The following KIF17 variants were observed in gnomAD, a reference collection of about 807,000 sequenced individuals.
The protein encoded by KIF17 is kinesin family member 17.
KIF17 carries 80 observed loss-of-function variants against 96.8 expected under a neutral mutation model. The ratio of observed to expected loss-of-function variants is 0.83; its 90% CI spans 0.69 to 1.00. The LOEUF (loss-of-function observed/expected upper bound fraction) is 1.00. Ranked by LOEUF, KIF17 falls within the 50% of genes least tolerant of loss-of-function variation. The pLI is 0.00. For synonymous variants in KIF17, 567 were observed against 587.5 expected, an observed-to-expected ratio of 0.97 and a Z score of 0.51; for missense variants, 1,280 against 1,372.9, an observed-to-expected ratio of 0.93 and a Z score of 1.07.
intron 3 of KIF17, among the ~76,000 whole-genome samples, chr1:20,712,868 G>GATAAT (rs375017843): frequency 3.1e-5 from 1 of 32,244 alleles, no homozygotes; most frequent in East Asian, 6.0e-4. Flanking sequence ...CTATATTATA[G>GATAAT]ATATTATCTA....
chr1:20,664,237 G>T lies in KIF17; in HGVS notation c.*347C>A. 1 of 826,886 alleles carries T rather than the reference G, an allele frequency of 1.2e-6. No homozygotes were observed. The highest frequency in any genetic ancestry group is 1.7e-6 in the Non-Finnish European group (1 of 604,760). 51.2% of individuals were successfully genotyped at this position (826,886 alleles called of 1,614,324 possible). A position where few individuals can be genotyped will look rare whatever the true frequency, so the allele number is the denominator to read the frequency against. ...TGGCAGCTGCTGCCCTCTCCATCAGGGCTGGTGAAGGCCGTGAAGCAGGTC... is the reference window on the plus strand; with the variant it reads ...TGGCAGCTGCTGCCCTCTCCATCAGTGCTGGTGAAGGCCGTGAAGCAGGTC... On this transcript the variant is annotated 3_prime_UTR_variant, in exon 15 of 15. Coordinates refer to ENST00000400463, the MANE Select transcript of KIF17 (RefSeq NM_001122819.3).
intron 11 of KIF17, 24 bp downstream of exon 11, chr1:20,682,629 T>TG (rs779789884): frequency 1.2e-6 from 2 of 1,607,518 alleles, no homozygotes; most frequent in South Asian, 1.1e-5. Flanking sequence ...CAGCTGGGCA[T>TG]GGGGGGCTGC....
rs766885886 is a variant in KIF17, at chr1:20,687,675, C to T, written c.1651G>A (p.Glu551Lys). The T allele has an allele frequency of 6.2e-6, 10 of 1,614,096 alleles. No individual in the cohort carries two copies. The East Asian group carries it at 8.9e-5, about 14-fold the overall frequency. ...SSSLEETSVS[E>K]AFPGPEEPSN... ...GGCTCCTCAGGCCCAGGGAAAGCCT[C>T]GGACACAGAGGTTTCTTCGAGCGAG... The change falls in exon 8 of 15, where the codon GAG becomes AAG. Residue 551 changes from glutamate (E) to lysine (K), a missense_variant. By Grantham distance (56) the Glu-to-Lys change is moderately conservative (BLOSUM62 1). Transcript: ENST00000400463. This position sits in a 1 kb window ranked among gnomAD's most constrained non-coding sequence, Gnocchi z 4.4.
chr1:20,703,174 GATGA>G lies in KIF17; in HGVS notation c.1123+1269_1123+1272del, dbSNP rs896211591. On this transcript the variant is annotated intron_variant, in intron 5 of 14. Transcript: ENST00000400463. Reference sequence around the variant, plus strand: ...ATAGAAGGAAGGATGGAGATGGATGGATGAATGGATGGACGGATGGATGGGAGAT... The same window carrying G: ...ATAGAAGGAAGGATGGAGATGGATGGATGGATGGACGGATGGATGGGAGAT... Among the ~76,000 whole-genome samples the G allele has an allele frequency of 8.8e-5, 13 of 148,134 alleles. No individual in the cohort carries two copies. The East Asian group carries it at 9.8e-4, about 11-fold the overall frequency.
Position 20,686,146 on chromosome 1 carries a change from G to A in KIF17, c.1939-20C>T. The A allele has an allele frequency of 1.9e-6, 3 of 1,554,078 alleles. No homozygotes were observed. Among genetic ancestry groups the A allele is most frequent in the Non-Finnish European group, 2.6e-6 (3 of 1,146,884 alleles). On this transcript the variant is annotated intron_variant, in intron 8 of 14. Coordinates refer to ENST00000400463, the MANE Select transcript of KIF17 (RefSeq NM_001122819.3). The stretch of plus-strand genomic sequence containing the variant: ...AGGGACCTGGGAGGAAAGAGGGGAT[G>A]GAGGAGAAAGAAGGCTGATTTGGGC...
intron 3 of KIF17, among the ~76,000 whole-genome samples, chr1:20,712,131 C>A (rs760571707): frequency 6.6e-6 from 1 of 152,150 alleles, no homozygotes; most frequent in Non-Finnish European, 1.5e-5. Flanking sequence ...CCTCTAGGCC[C>A]GGGTAACTGA....
At chr1:20,666,069 T>TACCCCC (rs1251480374) in intron 14 of KIF17, 145 bp downstream of exon 14, 22 of 744,696 alleles carry the variant, frequency 3.0e-5, no homozygotes, top group Non-Finnish European at 5.1e-5. Context: ...AAGTTGGTGT[T>TACCCCC]ACCCCCCTCA....
intron 2 of KIF17, among the ~76,000 whole-genome samples, chr1:20,714,005 G>T (rs1022719119): frequency 2.0e-5 from 3 of 151,900 alleles, no homozygotes; most frequent in African/African-American, 7.3e-5. Context: ...TGACCAACAA[G>T]GTGAAACCCC....
rs375878778 is a variant in KIF17 at position 20,678,389 on chromosome 1, G to A, written c.2463+4264C>T. On this transcript the variant is annotated intron_variant, in intron 11 of 14. Transcript: ENST00000400463. ...CATAACAGTGTGTATACACACATAC[G>A]TACATATTTCCTTATACAAAAAAAA... Among the ~76,000 whole-genome samples, 206 of 152,100 alleles carry A rather than the reference G, an allele frequency of 1.4e-3. 6 individuals are homozygous for A. In the South Asian group the frequency reaches 0.02, roughly 15 times the overall value.
chr1:20,717,657 T>C lies in KIF17; in HGVS notation c.50A>G (p.Gln17Arg). The C allele has an allele frequency of 1.9e-6, 3 of 1,605,880 alleles. No homozygotes were observed. Among genetic ancestry groups the C allele is most frequent in the Non-Finnish European group, 2.5e-6 (3 of 1,178,912 alleles). The change falls in exon 1 of 15, where the codon CAG becomes CGG. Residue 17 changes from glutamine (Q) to arginine (R), a missense_variant. Physicochemically the swap from Gln to Arg is conservative, Grantham distance 43 (BLOSUM62 1). Transcript: ENST00000400463. ...CTGGCAGCGCAGCTCTCGCTCCCGC[T>C]GGTTCATGGGACGGCAGCGCACGAC... The part of the protein sequence containing the change: ...KVVVRCRPMN[Q>R]RERELRCQPV...
At chr1:20,689,388 T>C (rs1385414095) in intron 7 of KIF17, among the ~76,000 whole-genome samples, 1 of 152,166 alleles carries the variant, frequency 6.6e-6, no homozygotes, top group Non-Finnish European at 1.5e-5. Context: ...CAGTGGCTCA[T>C]GCCTGTAAGC....
In KIF17 at chr1:20,672,198, T is replaced by C. The variant is rs1323561856; in HGVS notation, c.2464-2A>G. The C allele has an allele frequency of 8.1e-6, 13 of 1,614,048 alleles. No individual in the cohort carries two copies. Among genetic ancestry groups the C allele is most frequent in the Non-Finnish European group, 1.1e-5 (13 of 1,180,002 alleles). On this transcript the variant is annotated splice_acceptor_variant, in intron 11 of 14. Coordinates refer to ENST00000400463, the MANE Select transcript of KIF17 (RefSeq NM_001122819.3). LOFTEE classifies it high-confidence loss of function. This position sits in a 1 kb window ranked among gnomAD's most constrained non-coding sequence, Gnocchi z 4.3. ...GATCTCCACCTCTGCTGCCCGAAGC[T>C]GAAAGCAAAGGATGACAAGCAGTGA...
chr1:20,693,395 G>A (rs1357863153), intron 6 of KIF17, among the ~76,000 whole-genome samples: 4 of 151,732 alleles, frequency 2.6e-5, no homozygotes, highest in Admixed American at 6.6e-5. Context: ...CTCCCGAGAA[G>A]CTGGGACCAC....
At chr1:20,710,981 C>A (rs1242445503) in intron 3 of KIF17, among the ~76,000 whole-genome samples, 2 of 151,970 alleles carry the variant, frequency 1.3e-5, no homozygotes, top group African/African-American at 4.8e-5. Context: ...TGACAGAGGG[C>A]AGGTCTCGGC....
rs748888738 is a variant in KIF17, at chr1:20,684,902, G to A, written c.2138C>T (p.Thr713Ile). 1.4e-5 allele frequency: 22 copies of A among 1,597,188 alleles called. No individual in the cohort carries two copies. Among genetic ancestry groups the A allele is most frequent in the Non-Finnish European group, 1.9e-5 (22 of 1,172,144 alleles). ...CACGCTCTCCCTCTTCACACCAGCTGTGGCCGGCAGGGGCTCAGGCTGAGC... is the reference window on the plus strand; with the variant it reads ...CACGCTCTCCCTCTTCACACCAGCTATGGCCGGCAGGGGCTCAGGCTGAGC... ...LVAQPEPLPATAGVKRESVGM... is the reference protein window; with the variant it reads ...LVAQPEPLPAIAGVKRESVGM... The change falls in exon 10 of 15, where the codon ACA becomes ATA. Residue 713 changes from threonine to isoleucine, a missense_variant. Physicochemically the swap from Thr to Ile is moderately conservative, Grantham distance 89. Coordinates refer to ENST00000400463, the MANE Select transcript of KIF17 (RefSeq NM_001122819.3).
chr1:20,677,687 C>T (rs1319474072), intron 11 of KIF17, among the ~76,000 whole-genome samples: 4 of 152,032 alleles, frequency 2.6e-5, no homozygotes, highest in African/African-American at 7.3e-5. Context: ...AACCTCATCT[C>T]TACTAAAAAA....
At chr1:20,698,726 A>T (rs2054185121) in intron 5 of KIF17, among the ~76,000 whole-genome samples, 2 of 152,274 alleles carry the variant, frequency 1.3e-5, no homozygotes, top group South Asian at 4.2e-4. Context: ...CTCCACACCC[A>T]CGCTGAGTTT....
At chr1:20,679,486 A>G (rs2053793783) in intron 11 of KIF17, among the ~76,000 whole-genome samples, 1 of 152,166 alleles carries the variant, frequency 6.6e-6, no homozygotes, top group Admixed American at 6.5e-5. Context: ...TCTCAAAATA[A>G]AATGAAAAAT....
At chr1:20,707,004 G>C (rs1012570677) in intron 4 of KIF17, among the ~76,000 whole-genome samples, 2 of 152,140 alleles carry the variant, frequency 1.3e-5, no homozygotes, top group African/African-American at 4.8e-5. Flanking sequence ...GCTGAGGTGG[G>C]AGGGATGCTT....
Sources: gnomAD v4.1 joint callset for allele counts (sites outside exome capture counted in the v4.1 genomes callset) on GRCh38, gnomAD v4.1.1 for gene constraint, Gnocchi (gnomAD v3.1) non-coding constraint, MANE v1.5 for transcripts, NCBI Gene and HGNC (gene_info 2026-07-23, HGNC 2026-07-21) for gene names.